RAI2: variants seen among roughly 807,000 people sequenced by gnomAD.
RAI2 encodes retinoic acid-induced protein 2.
In RAI2, 5 loss-of-function variants were observed where a neutral mutation model predicts 15.3. That is an observed-to-expected ratio of 0.33 (90% CI 0.17 to 0.69). RAI2 has a LOEUF of 0.69. RAI2 is among the 30% of genes least tolerant of loss of function. The probability of loss-of-function intolerance (pLI) is 0.69; values close to 1 mark genes in which losing one functional copy is unlikely to be tolerated. For missense variants in RAI2, 424 were observed against 424.7 expected, an observed-to-expected ratio of 1.00 and a Z score of 0.01; for synonymous variants, 191 against 184.0, an observed-to-expected ratio of 1.04 and a Z score of -0.31.
intron 1 of RAI2, among the ~76,000 whole-genome samples, chrX:17,816,657 G>A (rs1569346276): frequency 8.9e-6 from 1 of 111,870 alleles, no homozygotes; most frequent in Non-Finnish European, 1.9e-5. Flanking sequence ...TCTTTTTGGA[G>A]CTCAATTCTC....
intron 1 of RAI2, among the ~76,000 whole-genome samples, chrX:17,856,651 C>G (rs1283758070): frequency 8.9e-6 from 1 of 112,680 alleles, no homozygotes; most frequent in Non-Finnish European, 1.9e-5. Flanking sequence ...TGCCCCACAG[C>G]AGTGGGAAGG....
rs1258303610 is a variant in RAI2, at chrX:17,801,420, A to G, written c.591T>C (p.Thr197=). The stretch of plus-strand genomic sequence containing the variant: ...GAGGCTGACAGGGTGGGGGCCCGAG[A>G]GTGCCCTGGGAGGGAAACAAATTCT... ...VLQNLFPSQG[T]LGPPPCQPPP... The change falls in exon 2 of 2, where the codon ACT becomes ACC. Residue 197 remains threonine, a synonymous_variant. Transcript: ENST00000451717. 4 of 1,154,597 alleles carry G rather than the reference A, an allele frequency of 3.5e-6. No individual in the cohort carries two copies. The highest frequency in any genetic ancestry group is 5.3e-5 in the Admixed American group (2 of 37,537).
intron 1 of RAI2, among the ~76,000 whole-genome samples, chrX:17,844,628 A>G (rs1569355737): frequency 1.8e-5 from 2 of 112,524 alleles, no homozygotes; most frequent in East Asian, 5.6e-4. Context: ...TTCTGCTCCC[A>G]CCCTCTCCAT....
At chrX:17,804,617 C>T (rs1373402865) in intron 1 of RAI2, among the ~76,000 whole-genome samples, 2 of 112,211 alleles carry the variant, frequency 1.8e-5, no homozygotes. Context: ...AAGACATGTT[C>T]TGTGCCACAT....
intron 1 of RAI2, among the ~76,000 whole-genome samples, chrX:17,813,762 C>CCTGTTA (rs2067075397): frequency 9.0e-6 from 1 of 111,665 alleles, no homozygotes; most frequent in Admixed American, 9.5e-5. Flanking sequence ...TGTCCAGGGC[C>CCTGTTA]CTGTTACTGA....
chrX:17,853,267 C>A (rs990912765), intron 1 of RAI2, among the ~76,000 whole-genome samples: 5 of 112,086 alleles, frequency 4.5e-5, no homozygotes, highest in African/African-American at 1.6e-4. Context: ...ACCCTTCCAC[C>A]AACCTTAGAA....
intron 1 of RAI2, among the ~76,000 whole-genome samples, chrX:17,803,327 A>T (rs1430630460): frequency 9.0e-6 from 1 of 110,535 alleles, no homozygotes; most frequent in Non-Finnish European, 1.9e-5. Context: ...GGAGTTCGAG[A>T]CCAGCCTGGC....
At chrX:17,808,229 G>GAGC (rs35200702) in intron 1 of RAI2, among the ~76,000 whole-genome samples, 1,120 of 110,645 alleles carry the variant, frequency 0.01, 13 homozygotes, top group Admixed American at 0.03. Context: ...GGGGTCCTTG[G>GAGC]AGCAGCAGCA....
At chrX:17,833,271 C>G (rs1045389215) in intron 1 of RAI2, among the ~76,000 whole-genome samples, 1 of 111,682 alleles carries the variant, frequency 9.0e-6, no homozygotes, top group African/African-American at 3.3e-5. Flanking sequence ...CCTGTAATCT[C>G]AGCACTATGG....
intron 1 of RAI2, among the ~76,000 whole-genome samples, 161 bp downstream of exon 1, chrX:17,860,937 C>G (rs889704403): frequency 1.5e-4 from 16 of 105,068 alleles, no homozygotes; most frequent in African/African-American, 5.0e-4. Flanking sequence ...CAGCCGGCCC[C>G]GGCCTCCGGG....
intron 1 of RAI2, among the ~76,000 whole-genome samples, chrX:17,854,447 C>G (rs1472097429): frequency 1.8e-5 from 2 of 112,213 alleles, no homozygotes; most frequent in Admixed American, 9.4e-5. Context: ...AGTGCCCCCA[C>G]TTTGGGGATG....
At chrX:17,857,744 C>T (rs1052695188) in intron 1 of RAI2, among the ~76,000 whole-genome samples, 6 of 111,889 alleles carry the variant, frequency 5.4e-5, no homozygotes, top group African/African-American at 2.0e-4. Flanking sequence ...CTGCCATTCA[C>T]TCCATCAGTG....
chrX:17,825,354 G>A (rs1431311861), intron 1 of RAI2, among the ~76,000 whole-genome samples: 1 of 112,767 alleles, frequency 8.9e-6, no homozygotes, highest in East Asian at 2.8e-4. Context: ...GGGATTTTCT[G>A]CCATTCTTGG....
rs778694517 is a variant in RAI2, at chrX:17,849,379, C to T, written c.-25+11719G>A. Reference sequence around the variant, plus strand: ...CATTGCAGAAAGTTCTACTGAACCACGCTGTACAGAATCCCAGTTCCACCT... The same window carrying T: ...CATTGCAGAAAGTTCTACTGAACCATGCTGTACAGAATCCCAGTTCCACCT... On this transcript the variant is annotated intron_variant, in intron 1 of 1. Transcript: ENST00000451717. Among the ~76,000 whole-genome samples the T allele has an allele frequency of 4.4e-5, 5 of 112,485 alleles. No individual in the cohort carries two copies. In the East Asian group the frequency reaches 1.4e-3, roughly 32 times the overall value.
In RAI2 at chrX:17,856,566, A is replaced by G. The variant is rs755810337; in HGVS notation, c.-25+4532T>C. Among the ~76,000 whole-genome samples the G allele has an allele frequency of 8.0e-5, 9 of 112,560 alleles. No homozygotes were observed. The South Asian group carries it at 3.3e-3, about 41-fold the overall frequency. On this transcript the variant is annotated intron_variant, in intron 1 of 1. Coordinates refer to ENST00000451717, the MANE Select transcript of RAI2 (RefSeq NM_021785.6). ...GAGAAATATGTTTCTATCATTTATAAGTCACCCAGCCTATGGGATTTTGTT... is the reference window on the plus strand; with the variant it reads ...GAGAAATATGTTTCTATCATTTATAGGTCACCCAGCCTATGGGATTTTGTT...
At chrX:17,840,417 C>G (rs1320390112) in intron 1 of RAI2, among the ~76,000 whole-genome samples, 5 of 110,754 alleles carry the variant, frequency 4.5e-5, no homozygotes, top group African/African-American at 1.6e-4. Flanking sequence ...TTGCATCTAT[C>G]GGTGTAAAAT....
At chrX:17,818,408 A>G (rs1178321361) in intron 1 of RAI2, among the ~76,000 whole-genome samples, 1 of 112,166 alleles carries the variant, frequency 8.9e-6, no homozygotes, top group Non-Finnish European at 1.9e-5. Flanking sequence ...GGGAAGCTCA[A>G]GTTCTAATCT....
chrX:17,823,941 A>G (rs182337297), intron 1 of RAI2, among the ~76,000 whole-genome samples: 1 of 111,550 alleles, frequency 9.0e-6, no homozygotes, highest in East Asian at 2.8e-4. Flanking sequence ...CACAATCTCA[A>G]TTCTCTTCAA....
rs1485640915 is a variant in RAI2 at position 17,800,832 on chromosome X, C to G, written c.1179G>C (p.Glu393Asp). The G allele has an allele frequency of 1.1e-5, 13 of 1,211,521 alleles. No individual in the cohort carries two copies. The highest frequency in any genetic ancestry group is 1.5e-5 in the Non-Finnish European group (13 of 895,376). Residue 393 changes from glutamate (E) to aspartate (D), a missense_variant, in exon 2 of 2, where the codon GAG (glutamate) becomes GAC (aspartate). Glu to Asp is a conservative substitution (Grantham distance 45). Coordinates refer to ENST00000451717, the MANE Select transcript of RAI2 (RefSeq NM_021785.6). ...TGTGACTATCCATCATGGCTGGGGCCTCATGGGACGTGGCAGGGGCAAAAG... is the reference window on the plus strand; with the variant it reads ...TGTGACTATCCATCATGGCTGGGGCGTCATGGGACGTGGCAGGGGCAAAAG... ...EISFAPATSH[E>D]APAMMDSHIS... is the part of the protein sequence containing the mutation.
Sources: allele counts gnomAD v4.1 joint callset (sites outside exome capture counted in the v4.1 genomes callset), GRCh38; gene constraint gnomAD v4.1.1; transcripts MANE v1.5; gene names NCBI Gene and HGNC (gene_info 2026-07-23, HGNC 2026-07-21).